The following SPDL1 variants were observed in gnomAD, a reference collection of about 807,000 sequenced individuals.
The protein encoded by SPDL1 is protein Spindly.
In SPDL1, 85 loss-of-function variants were observed where a neutral mutation model predicts 79.5. The ratio of observed to expected loss-of-function variants is 1.07; its 90% CI spans 0.90 to 1.28. The LOEUF is 1.28. Among genes scored for constraint, SPDL1 ranks in the 50% most tolerant of loss-of-function variants. SPDL1 has a pLI of 0.00. For synonymous variants in SPDL1, 269 were observed against 240.3 expected (o/e 1.12, Z -1.10); for missense variants, 703 against 697.8 (o/e 1.01, Z -0.08).
At chr5:169,598,278 C>T (rs573175470) in intron 8 of SPDL1, among the ~76,000 whole-genome samples, 198 bp from the exon 9 acceptor site, 9 of 152,246 alleles carry the variant, frequency 5.9e-5, no homozygotes, top group South Asian at 4.1e-4. Context: ...CATCTGTATT[C>T]GGAGCCTGTT....
intron 1 of SPDL1, among the ~76,000 whole-genome samples, chr5:169,584,653 A>G (rs1398541675): frequency 6.6e-6 from 1 of 152,146 alleles, no homozygotes; most frequent in Admixed American, 6.5e-5. Context: ...TGTGTGCTAT[A>G]TTTTTGAGAA....
chr5:169,589,661 A>T (rs192862026), intron 2 of SPDL1, among the ~76,000 whole-genome samples: 33 of 148,390 alleles, frequency 2.2e-4, no homozygotes, highest in African/African-American at 7.2e-4. Flanking sequence ...GTCAGCCCTT[A>T]CTATGTAATG....
chr5:169,593,528 A>G lies in SPDL1; in HGVS notation c.511A>G (p.Thr171Ala), dbSNP rs766161009. Residue 171 changes from threonine to alanine, a missense_variant, in exon 4 of 12, where the codon ACA becomes GCA. Transcript: ENST00000265295. ...SEMLALQIEL[T>A]EMESMKTTLK... ...GATGCTGGCTCTTCAAATTGAGCTG[A>G]CAGAAATGGAGAGTATGAAGGTAAT... 1.9e-6 allele frequency: 3 copies of G among 1,610,588 alleles called. No individual in the cohort carries two copies. The highest frequency in any genetic ancestry group is 2.2e-5 in the East Asian group (1 of 44,828).
Position 169,593,335 on chromosome 5 carries a change from T to A in SPDL1, c.337-19T>A. 3 of 1,304,014 alleles carry A rather than the reference T, an allele frequency of 2.3e-6. No homozygotes were observed. The highest frequency in any genetic ancestry group is 3.1e-6 in the Non-Finnish European group (3 of 973,096). 80.8% of individuals were successfully genotyped at this position (1,304,014 alleles called of 1,614,324 possible). A position where few individuals can be genotyped will look rare whatever the true frequency, so the allele number is the denominator to read the frequency against. ...AGAAAATAACTTTCAATTTATGACT[T>A]TTTTTTTTTTGGCTTTAGATAGAAA... On this transcript the variant is annotated intron_variant, in intron 3 of 11. Transcript: ENST00000265295.
chr5:169,595,588 A>C (rs1294874314), intron 7 of SPDL1: 1 of 152,212 alleles, frequency 6.6e-6, no homozygotes, highest in Non-Finnish European at 1.5e-5. Flanking sequence ...AATGAACAAC[A>C]GCTGTGAATT....
At chr5:169,591,287 TAGA>T in intron 3 of SPDL1, 63 bp downstream of exon 3, 1 of 1,527,094 alleles carries the variant, frequency 6.5e-7, no homozygotes, top group Non-Finnish European at 8.9e-7. Flanking sequence ...CTGTAAACTT[TAGA>T]TGATAAAGAT....
chr5:169,593,114 G>A (rs922643536), intron 3 of SPDL1, among the ~76,000 whole-genome samples: 5 of 152,082 alleles, frequency 3.3e-5, no homozygotes, highest in East Asian at 1.9e-4. Context: ...CAAGTGGTCC[G>A]CATCATAGTG....
intron 1 of SPDL1, among the ~76,000 whole-genome samples, chr5:169,584,670 C>G (rs1323185251): frequency 2.6e-5 from 4 of 152,190 alleles, no homozygotes; most frequent in African/African-American, 9.7e-5. Flanking sequence ...AGAAGCAGGA[C>G]AGGAAAAATG....
At chr5:169,589,697 T>A (rs1323292376) in intron 2 of SPDL1, among the ~76,000 whole-genome samples, 1 of 152,020 alleles carries the variant, frequency 6.6e-6, no homozygotes, top group Non-Finnish European at 1.5e-5. Flanking sequence ...TCACTTTTTT[T>A]TTCTTTTTTC....
chr5:169,595,584 C>T (rs1289237907), intron 7 of SPDL1: 1 of 152,178 alleles, frequency 6.6e-6, no homozygotes, highest in Admixed American at 6.5e-5. Flanking sequence ...GTTTAATGAA[C>T]AACAGCTGTG....
At chr5:169,588,850 CT>C (rs1755125005) in intron 2 of SPDL1, 1 of 211,266 alleles carries the variant, frequency 4.7e-6, no homozygotes, top group African/African-American at 2.3e-5. Flanking sequence ...CCTAGAAGAC[CT>C]CACTTGTTTT....
intron 3 of SPDL1, among the ~76,000 whole-genome samples, chr5:169,591,791 C>G (rs1323451876): frequency 6.6e-6 from 1 of 152,228 alleles, no homozygotes; most frequent in Non-Finnish European, 1.5e-5. Context: ...AATTCTCCAT[C>G]TAGGTTTGAA....
chr5:169,594,478 T>C lies in SPDL1; in HGVS notation c.766T>C (p.Ser256Pro), dbSNP rs1241010194. 3.1e-6 allele frequency: 5 copies of C among 1,613,916 alleles called. No homozygotes were observed. The highest frequency in any genetic ancestry group is 4.2e-6 in the Non-Finnish European group (5 of 1,179,882). Residue 256 changes from serine (S) to proline (P), a missense_variant, in exon 6 of 12, where the codon TCT (serine) becomes CCT (proline). Transcript: ENST00000265295. Reference sequence around the variant, plus strand: ...CTTGGATCCCAATAGTAAAGGCAACTCTTTGTTTGCAGAGGTACTTATAAG... The same window carrying C: ...CTTGGATCCCAATAGTAAAGGCAACCCTTTGTTTGCAGAGGTACTTATAAG... The part of the protein sequence containing the change: ...QALDPNSKGN[S>P]LFAEVEDRRA...
intron 3 of SPDL1, 54 bp from the exon 4 acceptor site, chr5:169,593,300 G>A (rs1755395192): frequency 6.9e-7 from 1 of 1,453,170 alleles, no homozygotes; most frequent in Non-Finnish European, 9.2e-7. Context: ...ATCAGTGATT[G>A]TTTTTAGAAA....
intron 9 of SPDL1, 97 bp downstream of exon 9, chr5:169,598,676 A>G: frequency 1.8e-6 from 2 of 1,126,932 alleles, no homozygotes; most frequent in Non-Finnish European, 2.6e-6. Context: ...TGCCAAAGGA[A>G]ATTTTCCGAA....
chr5:169,602,828 A>G (rs559538320), intron 11 of SPDL1, among the ~76,000 whole-genome samples: 3 of 152,316 alleles, frequency 2.0e-5, no homozygotes, highest in South Asian at 4.1e-4. Flanking sequence ...CCACATACCC[A>G]TGGTTTCAAA....
chr5:169,590,967 C>A, intron 2 of SPDL1, 81 bp from the exon 3 acceptor site: 1 of 1,164,080 alleles, frequency 8.6e-7, no homozygotes, highest in Non-Finnish European at 1.3e-6. Flanking sequence ...AAGAATGAAA[C>A]AATTGAAGTT....
intron 11 of SPDL1, among the ~76,000 whole-genome samples, chr5:169,602,511 A>T (rs1755988135): frequency 6.6e-6 from 1 of 152,240 alleles, no homozygotes; most frequent in Non-Finnish European, 1.5e-5. Flanking sequence ...TACTAGGGCT[A>T]CCTTAGTCTT....
At chr5:169,590,127 A>T (rs1755201989) in intron 2 of SPDL1, among the ~76,000 whole-genome samples, 1 of 152,224 alleles carries the variant, frequency 6.6e-6, no homozygotes. Context: ...ATGAATGAAT[A>T]AATCTGGGTA....
Sources: gnomAD v4.1 joint callset for allele counts (sites outside exome capture counted in the v4.1 genomes callset) on GRCh38, gnomAD v4.1.1 for gene constraint, MANE v1.5 for transcripts, NCBI Gene and HGNC (gene_info 2026-07-23, HGNC 2026-07-21) for gene names.